Variants in ANK3 observed in about 807,000 individuals in gnomAD.
The protein encoded by ANK3 is ankyrin 3.
In ANK3, 57 loss-of-function variants were observed where a neutral mutation model predicts 370.9. The observed-to-expected ratio is 0.15, with a 90% CI of 0.12 to 0.19. The LOEUF (loss-of-function observed/expected upper bound fraction) is 0.19. ANK3 is among the 10% of genes least tolerant of loss of function. ANK3 has a pLI of 1.00. For synonymous variants in ANK3, 1,929 were observed against 1,946.3 expected, an observed-to-expected ratio of 0.99 and a Z score of 0.23; for missense variants, 4,439 against 5,302.1, an observed-to-expected ratio of 0.84 and a Z score of 5.06.
At chr10:60,550,391 T>C (rs1259575882) in intron 2 of ANK3, among the ~76,000 whole-genome samples, 1 of 151,922 alleles carries the variant, frequency 6.6e-6, no homozygotes, top group Non-Finnish European at 1.5e-5. Flanking sequence ...TCTTGAAATT[T>C]TTCAGGTGAA....
intron 2 of ANK3, among the ~76,000 whole-genome samples, chr10:60,545,830 T>C (rs1443137478): frequency 4.6e-5 from 7 of 152,186 alleles, no homozygotes; most frequent in African/African-American, 1.7e-4. Flanking sequence ...AATTATATAA[T>C]TGTCACAATG....
intron 8 of ANK3, among the ~76,000 whole-genome samples, chr10:60,228,351 T>C (rs1231351379): frequency 1.3e-5 from 2 of 152,002 alleles, no homozygotes; most frequent in Non-Finnish European, 2.9e-5. Context: ...CTGGCCAATA[T>C]GGTGAAACCC....
intron 28 of ANK3, among the ~76,000 whole-genome samples, chr10:60,096,726 A>G (rs1388521418): frequency 6.6e-6 from 1 of 151,100 alleles, no homozygotes; most frequent in Non-Finnish European, 1.5e-5. Flanking sequence ...ACCCTATAAA[A>G]AATAAGAATG....
At chr10:60,168,513 G>T (rs1268271776) in intron 21 of ANK3, among the ~76,000 whole-genome samples, 1 of 152,096 alleles carries the variant, frequency 6.6e-6, no homozygotes, top group Non-Finnish European at 1.5e-5. Flanking sequence ...CCTCTGGGCT[G>T]TGACAATTTC....
chr10:60,491,214 A>G (rs2075493154), intron 2 of ANK3, among the ~76,000 whole-genome samples: 1 of 152,230 alleles, frequency 6.6e-6, no homozygotes, highest in African/African-American at 2.4e-5. Flanking sequence ...TTTTAATAAT[A>G]TGACTAAGGT....
At chr10:60,680,829 G>A (rs1277637970) in intron 1 of ANK3, among the ~76,000 whole-genome samples, 1 of 152,094 alleles carries the variant, frequency 6.6e-6, no homozygotes, top group Non-Finnish European at 1.5e-5. Context: ...GCTATGTGGG[G>A]AGGTTGTTAA....
At chr10:60,382,169 C>G (rs1204486639) in intron 1 of ANK3, among the ~76,000 whole-genome samples, 1 of 152,134 alleles carries the variant, frequency 6.6e-6, no homozygotes, top group Admixed American at 6.6e-5. Context: ...ACTTTCAGTA[C>G]CTACAAAATC....
At chr10:60,716,471 T>C (rs769052127) in intron 1 of ANK3, among the ~76,000 whole-genome samples, 22 of 152,166 alleles carry the variant, frequency 1.4e-4, no homozygotes, top group Non-Finnish European at 2.8e-4. Flanking sequence ...ACTCAAGTCA[T>C]GGATTGTTCT....
chr10:60,168,814 G>A (rs529102653), intron 21 of ANK3, among the ~76,000 whole-genome samples: 4 of 152,048 alleles, frequency 2.6e-5, no homozygotes, highest in Admixed American at 6.6e-5. Flanking sequence ...CTGTTCCTCC[G>A]TTAGTTTGCT....
At chr10:60,065,578 C>T (rs1306547494) in intron 38 of ANK3, among the ~76,000 whole-genome samples, 1 of 152,110 alleles carries the variant, frequency 6.6e-6, no homozygotes, top group African/African-American at 2.4e-5. Context: ...GATTTATATA[C>T]ATGAATGTTC....
At chr10:60,363,212 G>A (rs1054284491) in intron 1 of ANK3, among the ~76,000 whole-genome samples, 4 of 152,080 alleles carry the variant, frequency 2.6e-5, no homozygotes, top group South Asian at 2.1e-4. Context: ...TGGCCCTGTC[G>A]TTCACTTCTT....
chr10:60,093,298 A>C (rs3793854), intron 28 of ANK3, among the ~76,000 whole-genome samples: 1 of 152,018 alleles, frequency 6.6e-6, no homozygotes, highest in African/African-American at 2.4e-5. Flanking sequence ...AGCTAAGCAG[A>C]TATTTTTTCA....
chr10:60,322,802 G>GA (rs35773164), intron 1 of ANK3, among the ~76,000 whole-genome samples: 17,746 of 151,608 alleles, frequency 0.12, 1,137 homozygotes, highest in Non-Finnish European at 0.15. Flanking sequence ...CTATGGGGGG[G>GA]AAAAAAAATC....
In ANK3 at chr10:60,084,836, CAAAACAA is replaced by C. The variant is rs2086257292; in HGVS notation, c.3846-13_3846-7del. On this transcript the variant is annotated splice_region_variant and splice_polypyrimidine_tract_variant and intron_variant, in intron 31 of 43. Transcript: ENST00000280772. ...GGCAGTCTGCAAGCCAAAATCTGAG[CAAAACAA>C]AAAACAGAAGTATGAAAATGTGGCT... 1 of 1,512,318 alleles carries C rather than the reference CAAAACAA, an allele frequency of 6.6e-7. No homozygotes were observed. Among genetic ancestry groups the C allele is most frequent in the Admixed American group, 2.4e-5 (1 of 41,776 alleles). The allele number at this position is 1,512,318 out of a possible 1,614,324, so 93.7% of individuals were successfully genotyped here. A position where few individuals can be genotyped will look rare whatever the true frequency, so the allele number is the denominator to read the frequency against.
intron 40 of ANK3, chr10:60,061,778 C>A (rs2080527024): frequency 6.6e-6 from 1 of 151,264 alleles, no homozygotes; most frequent in African/African-American, 2.4e-5. Flanking sequence ...CTTGGCCAGA[C>A]TTAAACTTTT....
intron 28 of ANK3, among the ~76,000 whole-genome samples, chr10:60,098,960 G>T (rs973712740): frequency 6.6e-6 from 1 of 152,194 alleles, no homozygotes; most frequent in East Asian, 1.9e-4. Context: ...TATAATTTCT[G>T]ACAATCATAT....
chr10:60,426,736 T>C (rs1304314116), intron 2 of ANK3, among the ~76,000 whole-genome samples: 3 of 152,160 alleles, frequency 2.0e-5, no homozygotes, highest in African/African-American at 7.2e-5. Flanking sequence ...TACTTATTTA[T>C]AGCTTTAGAA....
chr10:60,588,221 G>C (rs979960767), intron 2 of ANK3, among the ~76,000 whole-genome samples: 2 of 148,890 alleles, frequency 1.3e-5, no homozygotes, highest in Non-Finnish European at 3.0e-5. Flanking sequence ...TTCTCACTTT[G>C]TCACCCAGGC....
At chr10:60,271,178 CTTTT>C (rs2097975011) in intron 4 of ANK3, among the ~76,000 whole-genome samples, 1 of 151,738 alleles carries the variant, frequency 6.6e-6, no homozygotes, top group African/African-American at 2.4e-5. Flanking sequence ...AACTATAATT[CTTTT>C]ATTATTATTA....
Sources: gnomAD v4.1 joint callset for allele counts (sites outside exome capture counted in the v4.1 genomes callset) on GRCh38, gnomAD v4.1.1 for gene constraint, MANE v1.5 for transcripts, NCBI Gene and HGNC (gene_info 2026-07-23, HGNC 2026-07-21) for gene names.